Variants in MAPK8IP2 observed in about 807,000 individuals in gnomAD.
The protein encoded by MAPK8IP2 is mitogen-activated protein kinase 8 interacting protein 2.
In MAPK8IP2, 15 loss-of-function variants were observed where a neutral mutation model predicts 75.6. That is an observed-to-expected ratio of 0.20 (90% CI 0.13 to 0.31). The LOEUF is 0.31. MAPK8IP2 is among the 10% of genes least tolerant of loss of function. The pLI is 1.00. For missense variants in MAPK8IP2, 1,089 were observed against 1,211.2 expected (o/e 0.90, Z 1.50); for synonymous variants, 632 against 554.5 (o/e 1.14, Z -1.96).
In MAPK8IP2 at chr22:50,610,635, A is replaced by T; in HGVS notation, c.2403-72A>T. 1 of 1,236,328 alleles carries T rather than the reference A, an allele frequency of 8.1e-7. No individual in the cohort carries two copies. The highest frequency in any genetic ancestry group is 1.2e-6 in the Non-Finnish European group (1 of 861,592). The allele number at this position is 1,236,328 out of a possible 1,614,324, so 76.6% of individuals were successfully genotyped here. A position where few individuals can be genotyped will look rare whatever the true frequency, so the allele number is the denominator to read the frequency against. On this transcript the variant is annotated intron_variant, in intron 11 of 11. Coordinates refer to ENST00000329492, the MANE Select transcript of MAPK8IP2 (RefSeq NM_012324.6). The surrounding 1 kb of genome is among the most constrained non-coding windows in gnomAD (Gnocchi z 4.3). ...GAGGGAGGAAGGAGGGAGAGCTCAG[A>T]GGCTCTGTGGAAGGCAGTTTGGGGG...
At chr22:50,601,583 C>T (rs1284133402) in intron 1 of MAPK8IP2, 36 of 543,222 alleles carry the variant, frequency 6.6e-5, no homozygotes, top group Non-Finnish European at 7.7e-5. Flanking sequence ...TTGGCTCCTC[C>T]GGGCAGGCCT....
rs773006977 is a variant in MAPK8IP2, at chr22:50,601,844, A to G, written c.121A>G (p.Thr41Ala). The G allele has an allele frequency of 6.2e-7, 1 of 1,613,950 alleles. No individual in the cohort carries two copies. The highest frequency in any genetic ancestry group is 1.1e-5 in the South Asian group (1 of 91,088). The change falls in exon 2 of 12, where the codon ACT becomes GCT. Residue 41 changes from threonine to alanine, a missense_variant. By Grantham distance (58) the Thr-to-Ala change is moderately conservative. Around this residue, in one of 2 missense-constraint regions of MAPK8IP2, gnomAD observed 960 missense variants for 1,009.6 expected, o/e 0.95. Coordinates refer to ENST00000329492, the MANE Select transcript of MAPK8IP2 (RefSeq NM_012324.6). The stretch of plus-strand genomic sequence containing the variant: ...TGACGACGAAGATCTGTCTGAGATC[A>G]CTGATGACTGTGGCCTGGGCCTCAG... Reference protein sequence around the residue: ...EFDDEDLSEITDDCGLGLSYD... With the variant: ...EFDDEDLSEIADDCGLGLSYD...
chr22:50,607,208 GGA>G lies in MAPK8IP2; in HGVS notation c.2303+223_2303+224del, dbSNP rs1168541960. 6.6e-6 allele frequency among the ~76,000 whole-genome samples: 1 copy of G among 152,170 alleles called. No homozygotes were observed. The highest frequency in any genetic ancestry group is 2.4e-5 in the African/African-American group (1 of 41,432). On this transcript the variant is annotated intron_variant, in intron 10 of 11. Coordinates refer to ENST00000329492, the MANE Select transcript of MAPK8IP2 (RefSeq NM_012324.6). The surrounding 1 kb of genome is among the most constrained non-coding windows in gnomAD (Gnocchi z 5.6). ...AGACAGGCTTGCATCCAGTCTGGGT[GGA>G]GAGAGGCACACGGGCGAAGGATGTG...
intron 10 of MAPK8IP2, among the ~76,000 whole-genome samples, chr22:50,609,204 T>C (rs568878764): frequency 1.3e-5 from 2 of 152,108 alleles, no homozygotes; most frequent in Admixed American, 6.5e-5. Context: ...TGGGGTGTGC[T>C]GTGTTGGGAT....
intron 6 of MAPK8IP2, 37 bp from the exon 7 acceptor site, chr22:50,605,525 C>T: frequency 1.4e-6 from 1 of 717,622 alleles, no homozygotes; most frequent in Non-Finnish European, 2.4e-6. Flanking sequence ...ACCGTCAATC[C>T]CGCCCCCCTC....
chr22:50,606,129 G>A (rs1380858555), intron 8 of MAPK8IP2, among the ~76,000 whole-genome samples, 195 bp downstream of exon 8: 5 of 152,212 alleles, frequency 3.3e-5, no homozygotes, highest in Non-Finnish European at 7.4e-5. Context: ...GGTGAGTCTA[G>A]GGCAGAGCAC....
At chr22:50,601,456 G>GGA in intron 1 of MAPK8IP2, 2 of 256,868 alleles carry the variant, frequency 7.8e-6, no homozygotes, top group Admixed American at 9.0e-5. Flanking sequence ...CTGCCGCGTT[G>GGA]CAGCTCCCCC....
At chr22:50,605,152 G>A (rs1603444322) in intron 5 of MAPK8IP2, 88 bp downstream of exon 5, 2 of 1,466,990 alleles carry the variant, frequency 1.4e-6, no homozygotes, top group East Asian at 2.3e-5. Context: ...CAGTGCCCAG[G>A]GCCACCTGAG....
Position 50,605,572 on chromosome 22 carries a change from C to A in MAPK8IP2, c.1852C>A (p.Arg618=). 1 of 1,579,608 alleles carries A rather than the reference C, an allele frequency of 6.3e-7. No homozygotes were observed. ...THRAVFRFIP[R]HPDELELDVD... Reference sequence around the variant, plus strand: ...CTCCCCCAACGGCAGGTTCATCCCGCGGCATCCAGACGAGCTGGAGCTGGA... The same window carrying A: ...CTCCCCCAACGGCAGGTTCATCCCGAGGCATCCAGACGAGCTGGAGCTGGA... The change falls in exon 7 of 12, where the codon CGG becomes AGG. Residue 618 remains arginine, a synonymous_variant. Coordinates refer to ENST00000329492, the MANE Select transcript of MAPK8IP2 (RefSeq NM_012324.6).
Position 50,604,062 on chromosome 22 carries a change from G to A in MAPK8IP2, c.763G>A (p.Asp255Asn), listed in dbSNP as rs768454362. 5.2e-6 allele frequency: 8 copies of A among 1,542,760 alleles called. No homozygotes were observed. Among genetic ancestry groups the A allele is most frequent in the East Asian group, 2.5e-5 (1 of 40,778 alleles). ...SSQELSSPGSDSEDAGGARLG... is the reference protein window; with the variant it reads ...SSQELSSPGSNSEDAGGARLG... The stretch of plus-strand genomic sequence containing the variant: ...CCAGGAGCTGTCCTCGCCCGGCTCC[G>A]ACTCGGAGGACGCGGGCGGCGCGCG... The change falls in exon 5 of 12, where the codon GAC becomes AAC. Residue 255 changes from aspartate to asparagine, a missense_variant. Physicochemically the swap from Asp to Asn is conservative, Grantham distance 23 (BLOSUM62 1). Around this residue, in one of 2 missense-constraint regions of MAPK8IP2, gnomAD observed 960 missense variants for 1,009.6 expected, o/e 0.95. Coordinates refer to ENST00000329492, the MANE Select transcript of MAPK8IP2 (RefSeq NM_012324.6).
chr22:50,610,825 G>A lies in MAPK8IP2; in HGVS notation c.*46G>A. The A allele has an allele frequency of 6.6e-7, 1 of 1,519,538 alleles. No individual in the cohort carries two copies. Among genetic ancestry groups the A allele is most frequent in the Non-Finnish European group, 8.9e-7 (1 of 1,119,302 alleles). The allele number at this position is 1,519,538 out of a possible 1,614,324, so 94.1% of individuals were successfully genotyped here. Reference sequence around the variant, plus strand: ...CTGGCCGTCTGCTCCAGGCGCAGCTGGGGCTGAGGATGTCTCAAGAGGCCA... The same window carrying A: ...CTGGCCGTCTGCTCCAGGCGCAGCTAGGGCTGAGGATGTCTCAAGAGGCCA... On this transcript the variant is annotated 3_prime_UTR_variant, in exon 12 of 12. Coordinates refer to ENST00000329492, the MANE Select transcript of MAPK8IP2 (RefSeq NM_012324.6). This position sits in a 1 kb window ranked among gnomAD's most constrained non-coding sequence, Gnocchi z 4.3.
In MAPK8IP2 at chr22:50,613,410, C is replaced by G. The variant is rs2071181085; in HGVS notation, c.*2631C>G. 6.5e-6 allele frequency: 1 copy of G among 152,790 alleles called. No homozygotes were observed. The highest frequency in any genetic ancestry group is 2.4e-5 in the African/African-American group (1 of 41,452). The allele number at this position is 152,790 out of a possible 1,614,324, so 9.5% of individuals were successfully genotyped here. Reference sequence around the variant, plus strand: ...GACTCCTCCCTCCTGTCACCCTTATCCTCACCCCAGCACCTTTACGTCTGC... The same window carrying G: ...GACTCCTCCCTCCTGTCACCCTTATGCTCACCCCAGCACCTTTACGTCTGC... On this transcript the variant is annotated 3_prime_UTR_variant, in exon 12 of 12. Coordinates refer to ENST00000329492, the MANE Select transcript of MAPK8IP2 (RefSeq NM_012324.6).
Position 50,607,140 on chromosome 22 carries a change from T to A in MAPK8IP2, c.2303+149T>A. The stretch of plus-strand genomic sequence containing the variant: ...CCCACTTAGCTCTGTGAGCTGAGCC[T>A]GCAGTGGCGCCTGCTCTGAGCTGGA... On this transcript the variant is annotated intron_variant, in intron 10 of 11. Transcript: ENST00000329492. This position sits in a 1 kb window ranked among gnomAD's most constrained non-coding sequence, Gnocchi z 5.6. The A allele has an allele frequency of 1.5e-6, 1 of 673,922 alleles. No individual in the cohort carries two copies. Among genetic ancestry groups the A allele is most frequent in the South Asian group, 1.7e-5 (1 of 59,212 alleles). The allele number at this position is 673,922 out of a possible 1,614,324, so 41.7% of individuals were successfully genotyped here.
rs1354681298 is a variant in MAPK8IP2, at chr22:50,612,488, ACGT to A, written c.*1711_*1713del. ...TTAGAAAGTGCTGTCCGTAAAAAAC[ACGT>A]CTTCACAGAGCCAACAAGCAGAGAA... On this transcript the variant is annotated 3_prime_UTR_variant, in exon 12 of 12. Transcript: ENST00000329492. The A allele has an allele frequency of 2.0e-5, 3 of 152,214 alleles. No homozygotes were observed. The highest frequency in any genetic ancestry group is 4.8e-5 in the African/African-American group (2 of 41,456). The allele number at this position is 152,214 out of a possible 1,614,324, so 9.4% of individuals were successfully genotyped here.
At position 50,604,172 on chromosome 22, in the gene MAPK8IP2, G is replaced by A. The variant is rs762326963; in HGVS notation, c.873G>A (p.Ser291=). 3 of 1,549,358 alleles carry A rather than the reference G, an allele frequency of 1.9e-6. No individual in the cohort carries two copies. The highest frequency in any genetic ancestry group is 2.6e-6 in the Non-Finnish European group (3 of 1,155,956). The change falls in exon 5 of 12, where the codon TCG becomes TCA. Residue 291 remains serine, a synonymous_variant. Coordinates refer to ENST00000329492, the MANE Select transcript of MAPK8IP2 (RefSeq NM_012324.6). Reference sequence around the variant, plus strand: ...GAAGCAGCAGCAGCGGCCGCTCCTCGCACCTCACCAACTCCATCGAGGAGG... The same window carrying A: ...GAAGCAGCAGCAGCGGCCGCTCCTCACACCTCACCAACTCCATCGAGGAGG... ...DGGSSSSGRS[S]HLTNSIEEAS... is the part of the protein sequence containing the mutation.
In MAPK8IP2 at chr22:50,604,224, C is replaced by A. The variant is rs1277540418; in HGVS notation, c.925C>A (p.Pro309Thr). Residue 309 changes from proline to threonine, a missense_variant, in exon 5 of 12, where the codon CCC becomes ACC. Pro to Thr is a conservative substitution (Grantham distance 38). Around this residue, in one of 2 missense-constraint regions of MAPK8IP2, gnomAD observed 960 missense variants for 1,009.6 expected, o/e 0.95. Transcript: ENST00000329492. ...EASSPASEPEPPREPPRRPAF... is the reference protein window; with the variant it reads ...EASSPASEPETPREPPRRPAF... ...CTCGTCGCCCGCCTCGGAGCCGGAGCCCCCGCGCGAACCCCCGCGCCGCCC... is the reference window on the plus strand; with the variant it reads ...CTCGTCGCCCGCCTCGGAGCCGGAGACCCCGCGCGAACCCCCGCGCCGCCC... The A allele has an allele frequency of 3.9e-6, 6 of 1,556,138 alleles. No homozygotes were observed. Among genetic ancestry groups the A allele is most frequent in the Admixed American group, 1.8e-5 (1 of 54,524 alleles).
intron 10 of MAPK8IP2, among the ~76,000 whole-genome samples, chr22:50,608,841 CAG>C (rs1327625361): frequency 1.3e-5 from 2 of 150,162 alleles, no homozygotes; most frequent in Non-Finnish European, 3.0e-5. Flanking sequence ...GCAGACCAGA[CAG>C]TGGGGACAGC....
At chr22:50,609,919 C>T (rs2071118550) in intron 10 of MAPK8IP2, 1 of 602,064 alleles carries the variant, frequency 1.7e-6, no homozygotes, top group East Asian at 3.8e-5. Flanking sequence ...CTGGGGCAGG[C>T]CCTGAATAGG....
Position 50,600,864 on chromosome 22 carries a change from C to T in MAPK8IP2, c.46C>T (p.Leu16=). 4 of 1,296,684 alleles carry T rather than the reference C, an allele frequency of 3.1e-6. No homozygotes were observed. The highest frequency in any genetic ancestry group is 4.0e-6 in the Non-Finnish European group (4 of 995,476). 80.3% of individuals were successfully genotyped at this position (1,296,684 alleles called of 1,614,324 possible). ...EMFSLSTFHS[L]SPPGCRPPQD... ...GTTTTCTCTCTCCACCTTCCACTCG[C>T]TGTCGCCGCCGGGCTGCAGGTACCC... Residue 16 remains leucine, a synonymous_variant, in exon 1 of 12, where the codon CTG becomes TTG. Coordinates refer to ENST00000329492, the MANE Select transcript of MAPK8IP2 (RefSeq NM_012324.6).
Sources: allele counts gnomAD v4.1 joint callset (sites outside exome capture counted in the v4.1 genomes callset), GRCh38; gene constraint gnomAD v4.1.1; regional missense constraint gnomAD v4.1.1; non-coding constraint Gnocchi (gnomAD v3.1); transcripts MANE v1.5; gene names NCBI Gene and HGNC (gene_info 2026-07-23, HGNC 2026-07-21).